Variants in PLCXD2 observed in about 807,000 individuals in gnomAD.
PLCXD2 encodes phosphatidylinositol specific phospholipase C X domain containing 2, also known as PI-PLC X domain-containing protein 2.
Under a neutral mutation model 28.6 loss-of-function variants are expected in PLCXD2, and 21 were observed. The observed-to-expected ratio is 0.73, with a 90% CI of 0.52 to 1.06. PLCXD2 has a LOEUF of 1.06. Ranked by LOEUF, PLCXD2 falls within the 50% of genes least tolerant of loss-of-function variation. PLCXD2 has a pLI of 0.00. For missense variants in PLCXD2, 369 were observed against 376.7 expected (o/e 0.98, Z 0.17); for synonymous variants, 140 against 150.1 (o/e 0.93, Z 0.49).
intron 1 of PLCXD2, 101 bp from the exon 2 acceptor site, chr3:111,707,825 T>C: frequency 9.1e-7 from 1 of 1,104,490 alleles, no homozygotes; most frequent in Non-Finnish European, 1.3e-6. Flanking sequence ...TAGTATGTTA[T>C]TTGGTGCTTA....
intron 1 of PLCXD2, among the ~76,000 whole-genome samples, chr3:111,682,360 T>A (rs768178543): frequency 9.2e-5 from 14 of 152,180 alleles, no homozygotes; most frequent in Admixed American, 3.9e-4. Flanking sequence ...CTTTTGTGGA[T>A]TCATTGTCTA....
intron 1 of PLCXD2, among the ~76,000 whole-genome samples, chr3:111,686,297 T>G (rs1329409574): frequency 2.0e-5 from 3 of 152,234 alleles, no homozygotes; most frequent in Non-Finnish European, 4.4e-5. Flanking sequence ...AGATGCACCT[T>G]GGCTTCTCAG....
At chr3:111,682,954 T>C (rs1453355324) in intron 1 of PLCXD2, among the ~76,000 whole-genome samples, 1 of 152,204 alleles carries the variant, frequency 6.6e-6, no homozygotes, top group Non-Finnish European at 1.5e-5. Context: ...TAAAGGAAAA[T>C]CATTAACTCA....
intron 1 of PLCXD2, among the ~76,000 whole-genome samples, chr3:111,684,664 A>T (rs940215108): frequency 6.6e-6 from 1 of 152,156 alleles, no homozygotes; most frequent in African/African-American, 2.4e-5. Flanking sequence ...AAAAAAAAAA[A>T]AAATAAAGTT....
chr3:111,684,112 A>T (rs900003401), intron 1 of PLCXD2, among the ~76,000 whole-genome samples: 2 of 152,140 alleles, frequency 1.3e-5, no homozygotes, highest in Admixed American at 1.3e-4. Context: ...CAGGCAGATC[A>T]CAAGGTCAAG....
chr3:111,694,356 A>G (rs1576456885), intron 1 of PLCXD2, among the ~76,000 whole-genome samples: 1 of 152,150 alleles, frequency 6.6e-6, no homozygotes, highest in South Asian at 2.1e-4. Flanking sequence ...AACAGAAGAT[A>G]CTCCAGCTAC....
rs780745161 is a variant in PLCXD2 at position 111,708,238 on chromosome 3, T to C, written c.476T>C (p.Phe159Ser). 2 of 1,614,152 alleles carry C rather than the reference T, an allele frequency of 1.2e-6. No individual in the cohort carries two copies. The highest frequency in any genetic ancestry group is 8.5e-7 in the Non-Finnish European group (1 of 1,180,018). Residue 159 changes from phenylalanine (F) to serine (S), a missense_variant, in exon 2 of 5, where the codon TTC becomes TCC. Phe to Ser is a radical substitution (Grantham distance 155). Transcript: ENST00000477665. ...ACACAGCACCCCCAGGAGATTATCT[T>C]CCTGGATTTCAACCACTTCTATGCC...
intron 3 of PLCXD2, 50 bp from the exon 4 acceptor site, chr3:111,720,673 C>G (rs1036588236): frequency 2.4e-6 from 1 of 416,626 alleles, no homozygotes; most frequent in Non-Finnish European, 4.4e-6. Context: ...AGAAGACCCT[C>G]TAAGCTGTAC....
chr3:111,705,707 G>A (rs1173180335), intron 1 of PLCXD2, among the ~76,000 whole-genome samples: 1 of 151,792 alleles, frequency 6.6e-6, no homozygotes, highest in African/African-American at 2.4e-5. Flanking sequence ...GTTGTAACTG[G>A]GCAGGGATGA....
rs559476288 is a variant in PLCXD2, at chr3:111,682,893, C to T, written c.163+7485C>T. 4.9e-4 allele frequency among the ~76,000 whole-genome samples: 75 copies of T among 152,274 alleles called. No homozygotes were observed. In the South Asian group the frequency reaches 0.014, roughly 29 times the overall value. On this transcript the variant is annotated intron_variant, in intron 1 of 4. Transcript: ENST00000477665. ...AATATATGTCAGTGCCTGCATACTC[C>T]TTTTGCTTCTTTTGGTTCTCATTGC...
At chr3:111,710,459 T>A (rs1024300846) in intron 2 of PLCXD2, among the ~76,000 whole-genome samples, 2 of 152,204 alleles carry the variant, frequency 1.3e-5, no homozygotes, top group African/African-American at 4.8e-5. Context: ...TACTTTGTTA[T>A]TGTCACCATT....
chr3:111,684,522 C>T (rs970753725), intron 1 of PLCXD2, among the ~76,000 whole-genome samples: 11 of 151,842 alleles, frequency 7.2e-5, no homozygotes, highest in African/African-American at 2.7e-4. Flanking sequence ...GGCATGATGG[C>T]GGGCGTCTGT....
chr3:111,715,410 A>C (rs1941254855), intron 3 of PLCXD2, among the ~76,000 whole-genome samples: 1 of 152,216 alleles, frequency 6.6e-6, no homozygotes, highest in African/African-American at 2.4e-5. Context: ...TTCAAGGTGA[A>C]TATTATACTG....
At chr3:111,726,718 G>A (rs187964822) in intron 3 of PLCXD2, 20 of 152,004 alleles carry the variant, frequency 1.3e-4, no homozygotes, top group East Asian at 9.6e-4. Flanking sequence ...TATATATCTC[G>A]TCTTCTTTCT....
chr3:111,707,777 C>A (rs1229396046), intron 1 of PLCXD2, 149 bp from the exon 2 acceptor site: 31 of 676,746 alleles, frequency 4.6e-5, no homozygotes. Context: ...TTATTCCTAG[C>A]AAGCTTGGCA....
intron 1 of PLCXD2, among the ~76,000 whole-genome samples, chr3:111,707,577 A>C (rs1035985863): frequency 6.6e-6 from 1 of 152,212 alleles, no homozygotes; most frequent in Non-Finnish European, 1.5e-5. Context: ...ATTTCCTCAG[A>C]ATAGCTTTCC....
intron 1 of PLCXD2, among the ~76,000 whole-genome samples, chr3:111,697,151 A>G (rs1940972413): frequency 6.6e-6 from 1 of 152,182 alleles, no homozygotes; most frequent in Admixed American, 6.5e-5. Flanking sequence ...TTTTATCCAG[A>G]ATTCACTACT....
chr3:111,691,066 G>A (rs1443264536), intron 1 of PLCXD2, among the ~76,000 whole-genome samples: 1 of 151,554 alleles, frequency 6.6e-6, no homozygotes, highest in African/African-American at 2.4e-5. Context: ...GAATCTGTGT[G>A]AGCAGAAAGA....
intron 3 of PLCXD2, chr3:111,721,439 C>T (rs1941344868): frequency 2.0e-5 from 3 of 152,336 alleles, no homozygotes; most frequent in Admixed American, 6.5e-5. Context: ...ACTCATTTAT[C>T]ACTAAGATGT....
Sources: gnomAD v4.1 joint callset for allele counts (sites outside exome capture counted in the v4.1 genomes callset) on GRCh38, gnomAD v4.1.1 for gene constraint, MANE v1.5 for transcripts, NCBI Gene and HGNC (gene_info 2026-07-23, HGNC 2026-07-21) for gene names.